The following PRH1 variants were observed in gnomAD, a reference collection of about 807,000 sequenced individuals.
PRH1 encodes proline rich protein HaeIII subfamily 1, also known as salivary acidic proline-rich phosphoprotein 1/2.
Under a neutral mutation model 7.9 loss-of-function variants are expected in PRH1, and 7 were observed. That is an observed-to-expected ratio of 0.89 (90% CI 0.50 to 1.67). The LOEUF (loss-of-function observed/expected upper bound fraction) is 1.67. PRH1 is among the 40% of genes most tolerant of loss of function. PRH1 has a pLI of 0.00. For synonymous variants in PRH1, 45 were observed against 80.8 expected (o/e 0.56, Z 2.38); for missense variants, 109 against 223.6 (o/e 0.49, Z 3.27).
chr12:10,952,628 A>G (rs916959959), intron 2 of PRH1, among the ~76,000 whole-genome samples: 5 of 152,234 alleles, frequency 3.3e-5, no homozygotes, highest in African/African-American at 1.2e-4. Context: ...TAGTAATGAC[A>G]TTCATGGTCA....
intron 2 of PRH1, among the ~76,000 whole-genome samples, chr12:10,912,136 T>C (rs1341915364): frequency 1.3e-5 from 2 of 152,188 alleles, no homozygotes; most frequent in Admixed American, 6.5e-5. Flanking sequence ...AATTGCTGTA[T>C]AGTATTAATG....
chr12:11,139,994 G>T (rs1194829678), intron 1 of PRH1, among the ~76,000 whole-genome samples: 1 of 151,706 alleles, frequency 6.6e-6, no homozygotes, highest in Non-Finnish European at 1.5e-5. Flanking sequence ...TTCTAATTTA[G>T]AATGTATTTT....
At chr12:11,149,241 C>T (rs1325621601) in intron 1 of PRH1, among the ~76,000 whole-genome samples, 1 of 152,078 alleles carries the variant, frequency 6.6e-6, no homozygotes, top group African/African-American at 2.4e-5. Context: ...AAACCAGCTC[C>T]TGGATTCATT....
intron 2 of PRH1, among the ~76,000 whole-genome samples, chr12:10,926,604 G>C (rs187543453): frequency 2.8e-4 from 42 of 152,336 alleles, no homozygotes; most frequent in African/African-American, 9.6e-4. Context: ...ACTGGGGGAA[G>C]AATGTTACCA....
At chr12:10,964,811 G>C (rs1280434506) in intron 2 of PRH1, 1 of 562,138 alleles carries the variant, frequency 1.8e-6, no homozygotes, top group Non-Finnish European at 3.3e-6. Flanking sequence ...GTTTGCAAGC[G>C]TGGTTACAGT....
chr12:11,108,681 G>A (rs1945501467), intron 1 of PRH1, among the ~76,000 whole-genome samples: 1 of 152,164 alleles, frequency 6.6e-6, no homozygotes, highest in Non-Finnish European at 1.5e-5. Context: ...CACAAACCAG[G>A]AGATTTCCTC....
downstream of PRH1, among the ~76,000 whole-genome samples, chr12:11,120,633 C>T (rs535154043): frequency 6.6e-6 from 1 of 152,206 alleles, no homozygotes; most frequent in African/African-American, 2.4e-5. Context: ...GTTCATTCTC[C>T]ATTGCCTTCA....
rs140943047 is a variant in PRH1 at position 10,881,465 on chromosome 12, C to T, written c.*19-409G>A. Among the ~76,000 whole-genome samples, 256 of 152,224 alleles carry T rather than the reference C, an allele frequency of 1.7e-3. 2 individuals are homozygous for T. The highest frequency in any genetic ancestry group is 5.8e-3 in the African/African-American group (241 of 41,540). On this transcript the variant is annotated intron_variant, in intron 3 of 3. Transcript: ENST00000543626. ...ATAGAATAGTATACAATTGTAAAAA[C>T]AAACTAACCAATAAACACTGAAGAG...
chr12:11,158,948 A>C (rs974577386), intron 1 of PRH1: 1 of 152,138 alleles, frequency 6.6e-6, no homozygotes, highest in African/African-American at 2.4e-5. Context: ...CTCTACCTCA[A>C]GGAAGATCCA....
intron 1 of PRH1, among the ~76,000 whole-genome samples, chr12:11,019,987 T>C (rs1311706845): frequency 6.6e-5 from 10 of 152,416 alleles, no homozygotes; most frequent in East Asian, 1.9e-4. Flanking sequence ...CCATCTAATT[T>C]TGACGTTCCA....
At chr12:11,117,671 C>T (rs563302126), downstream of PRH1, among the ~76,000 whole-genome samples, 110 of 152,188 alleles carry the variant, frequency 7.2e-4, 1 homozygote, top group African/African-American at 2.2e-3. Context: ...ATGATACTTA[C>T]TACTGAGGCT....
At chr12:11,134,301 T>C (rs1946484438) in intron 1 of PRH1, 5 of 1,170,616 alleles carry the variant, frequency 4.3e-6, no homozygotes, top group Middle Eastern at 2.4e-4. Context: ...CTGGTTGTGA[T>C]TGCTTGAATA....
At chr12:11,042,932 G>A (rs1365221690) in intron 1 of PRH1, among the ~76,000 whole-genome samples, 1 of 151,900 alleles carries the variant, frequency 6.6e-6, no homozygotes, top group South Asian at 2.1e-4. Context: ...CCCGGCCCAG[G>A]CTTATTCTTG....
rs527988705 is a variant in PRH1, at chr12:11,165,351, T to C, written n.39+6071A>G. 3.9e-5 allele frequency among the ~76,000 whole-genome samples: 6 copies of C among 152,276 alleles called. No individual in the cohort carries two copies. The South Asian group carries it at 6.2e-4, about 16-fold the overall frequency. On this transcript the variant is annotated intron_variant and non_coding_transcript_variant, in intron 1 of 1. Coordinates refer to the PRH1 transcript ENST00000541175. ...TTCATTTTTCTGTTTGAATAATATA[T>C]AGTAATCTGCCTTCAATATTACTGA... is the stretch of plus-strand genomic sequence containing the variant.
Position 10,882,456 on chromosome 12 carries a change from GTCCTT to G in PRH1, c.338_342del (p.Gln113ProfsTer76). ...GGGGGATGGCCTCCCTGTTGGGGTG[GTCCTT>G]GTGGCTTTCCCTGAGGAGGTGGTGG... On this transcript the variant is annotated frameshift_variant, in exon 3 of 4. Coordinates refer to ENST00000543626, the MANE Select transcript of PRH1 (RefSeq NM_001393989.1). LOFTEE classifies it low-confidence loss of function (END_TRUNC). 13 of 1,580,420 alleles carry G rather than the reference GTCCTT, an allele frequency of 8.2e-6. No homozygotes were observed. Among genetic ancestry groups the G allele is most frequent in the South Asian group, 2.3e-5 (2 of 88,388 alleles).
At chr12:10,986,585 G>C (rs1357970583) in intron 1 of PRH1, 1 of 1,614,046 alleles carries the variant, frequency 6.2e-7, no homozygotes, top group Middle Eastern at 1.6e-4. Context: ...TGCTGAAATG[G>C]TTGGTTACAA....
At chr12:10,999,272 G>A (rs1446565650) in intron 1 of PRH1, among the ~76,000 whole-genome samples, 1 of 151,992 alleles carries the variant, frequency 6.6e-6, no homozygotes, top group Non-Finnish European at 1.5e-5. Context: ...AAAATAGGTT[G>A]GAAATATCAA....
At position 11,144,061 on chromosome 12, in the gene PRH1, T is replaced by C. The variant is rs938859139; in HGVS notation, n.40-22881A>G. Among the ~76,000 whole-genome samples, 16 of 152,152 alleles carry C rather than the reference T, an allele frequency of 1.1e-4. 1 individual carries two copies. The highest frequency in any genetic ancestry group is 1.5e-5 in the Non-Finnish European group (1 of 68,026). On this transcript the variant is annotated intron_variant and non_coding_transcript_variant, in intron 1 of 1. Transcript: ENST00000541175. The stretch of plus-strand genomic sequence containing the variant: ...GTTTAATGCTCTATTTTTGTGCTGG[T>C]TGGCCTCCTACCAGGAGGTGGTGCT...
intron 2 of PRH1, among the ~76,000 whole-genome samples, chr12:10,912,996 T>C (rs7310666): frequency 0.038 from 5,771 of 152,292 alleles, 362 homozygotes; most frequent in African/African-American, 0.13. Context: ...AATGTTAAAC[T>C]ATCCTGCTAT....
Sources: allele counts gnomAD v4.1 joint callset (sites outside exome capture counted in the v4.1 genomes callset), GRCh38; gene constraint gnomAD v4.1.1; transcripts MANE v1.5; gene names NCBI Gene and HGNC (gene_info 2026-07-23, HGNC 2026-07-21).